ADCY2: variants seen among roughly 807,000 people sequenced by gnomAD.
The protein encoded by ADCY2 is adenylate cyclase type 2.
In ADCY2, 31 loss-of-function variants were observed where a neutral mutation model predicts 125.2. That is an observed-to-expected ratio of 0.25 (90% CI 0.19 to 0.33). The LOEUF (loss-of-function observed/expected upper bound fraction) is 0.33, where lower values mean the gene tolerates loss of function less well. Ranked by LOEUF, ADCY2 falls within the 10% of genes least tolerant of loss-of-function variation. ADCY2 has a pLI of 1.00. For synonymous variants in ADCY2, 512 were observed against 548.4 expected (o/e 0.93, Z 0.93); for missense variants, 904 against 1,418.2 (o/e 0.64, Z 5.82).
intron 2 of ADCY2, among the ~76,000 whole-genome samples, chr5:7,458,280 C>G (rs1462271722): frequency 1.3e-5 from 2 of 152,112 alleles, no homozygotes; most frequent in East Asian, 3.8e-4. Context: ...TTTACAAATA[C>G]AACAGTTTTG....
chr5:7,706,343 C>T (rs1741265211), intron 7 of ADCY2, among the ~76,000 whole-genome samples: 2 of 152,210 alleles, frequency 1.3e-5, no homozygotes, highest in African/African-American at 4.8e-5. Flanking sequence ...TGGAGAGGTA[C>T]ATTGTGCTAA....
At chr5:7,397,734 G>C (rs1278671256) in intron 1 of ADCY2, among the ~76,000 whole-genome samples, 1 of 152,074 alleles carries the variant, frequency 6.6e-6, no homozygotes, top group Non-Finnish European at 1.5e-5. Flanking sequence ...ACCACTCAAT[G>C]GTAGCTGTCT....
chr5:7,421,050 C>T (rs1740183841), intron 2 of ADCY2, among the ~76,000 whole-genome samples: 1 of 152,090 alleles, frequency 6.6e-6, no homozygotes, highest in South Asian at 2.1e-4. Context: ...CACAACACAG[C>T]AAGGATTTCT....
intron 4 of ADCY2, among the ~76,000 whole-genome samples, chr5:7,683,791 A>T (rs1447215881): frequency 6.6e-6 from 1 of 152,170 alleles, no homozygotes; most frequent in Non-Finnish European, 1.5e-5. Flanking sequence ...GTTGCATTTG[A>T]ACATAAAAAA....
intron 3 of ADCY2, among the ~76,000 whole-genome samples, chr5:7,617,875 T>C (rs1221088334): frequency 6.6e-6 from 1 of 152,214 alleles, no homozygotes; most frequent in Non-Finnish European, 1.5e-5. Context: ...TCCTAATGAA[T>C]ATGATTAATG....
chr5:7,740,658 C>G (rs1742381224), intron 14 of ADCY2, among the ~76,000 whole-genome samples: 1 of 151,912 alleles, frequency 6.6e-6, no homozygotes. Context: ...ATAACAAGAA[C>G]CAACCAAAAA....
chr5:7,564,295 A>G (rs1222146056), intron 3 of ADCY2, among the ~76,000 whole-genome samples: 2 of 152,164 alleles, frequency 1.3e-5, no homozygotes, highest in Non-Finnish European at 2.9e-5. Context: ...GAGATGGCAA[A>G]TTTAATATTC....
At chr5:7,590,871 A>G (rs1336217134) in intron 3 of ADCY2, among the ~76,000 whole-genome samples, 1 of 151,998 alleles carries the variant, frequency 6.6e-6, no homozygotes, top group Admixed American at 6.6e-5. Flanking sequence ...TATAGTCAAG[A>G]CTCTTATTAT....
At chr5:7,633,292 G>T (rs1215221378) in intron 4 of ADCY2, among the ~76,000 whole-genome samples, 2 of 151,854 alleles carry the variant, frequency 1.3e-5, no homozygotes, top group Non-Finnish European at 2.9e-5. Context: ...TTAGCTGGGT[G>T]TGGTGGTGGG....
At chr5:7,537,793 G>A (rs1030306769) in intron 3 of ADCY2, among the ~76,000 whole-genome samples, 1 of 152,214 alleles carries the variant, frequency 6.6e-6, no homozygotes, top group Non-Finnish European at 1.5e-5. Context: ...AGCCTCCACA[G>A]CCTGGCCCCT....
At chr5:7,444,215 G>A (rs998773083) in intron 2 of ADCY2, among the ~76,000 whole-genome samples, 2 of 147,924 alleles carry the variant, frequency 1.4e-5, no homozygotes, top group African/African-American at 2.5e-5. Context: ...CCGGGTTCAC[G>A]CCATTCTCCA....
intron 2 of ADCY2, among the ~76,000 whole-genome samples, chr5:7,492,066 C>T (rs1385650508): frequency 3.3e-5 from 5 of 152,190 alleles, no homozygotes; most frequent in African/African-American, 4.8e-5. Context: ...CTGTAGATGT[C>T]TGCTTCTCAG....
intron 2 of ADCY2, among the ~76,000 whole-genome samples, chr5:7,500,004 A>G (rs1743504484): frequency 6.6e-6 from 1 of 152,204 alleles, no homozygotes; most frequent in African/African-American, 2.4e-5. Context: ...CGGAAGGCTA[A>G]CAAAGAAGAA....
intron 4 of ADCY2, among the ~76,000 whole-genome samples, chr5:7,657,210 A>G (rs1184495736): frequency 6.6e-6 from 1 of 152,194 alleles, no homozygotes; most frequent in Non-Finnish European, 1.5e-5. Flanking sequence ...AGGATGCTCA[A>G]CCTGTAATAA....
chr5:7,603,345 A>C (rs957033685), intron 3 of ADCY2, among the ~76,000 whole-genome samples: 4 of 152,190 alleles, frequency 2.6e-5, no homozygotes, highest in Admixed American at 2.6e-4. Context: ...GAGCCCCTAC[A>C]GGGCTTCTGC....
rs534080830 is a variant in ADCY2, at chr5:7,397,816, G to A, written c.210+1310G>A. Among the ~76,000 whole-genome samples the A allele has an allele frequency of 7.9e-5, 12 of 152,222 alleles. No homozygotes were observed. The East Asian group carries it at 2.3e-3, about 29-fold the overall frequency. ...CCATGAAGTCACAGATCACACACTG[G>A]CTCTTGTACTATCAAACCTAGAGCA... On this transcript the variant is annotated intron_variant, in intron 1 of 24. Transcript: ENST00000338316.
chr5:7,782,788 A>G (rs1327296441), intron 18 of ADCY2, among the ~76,000 whole-genome samples: 3 of 152,268 alleles, frequency 2.0e-5, no homozygotes, highest in Non-Finnish European at 1.5e-5. Context: ...TTTAAAATTC[A>G]TGAAAGTCAG....
At chr5:7,598,813 G>T (rs1737100132) in intron 3 of ADCY2, among the ~76,000 whole-genome samples, 1 of 152,166 alleles carries the variant, frequency 6.6e-6, no homozygotes, top group African/African-American at 2.4e-5. Flanking sequence ...AGTGATTGTG[G>T]ACACCTGCAT....
At chr5:7,413,388 A>G (rs1011751255) in intron 1 of ADCY2, among the ~76,000 whole-genome samples, 6 of 151,494 alleles carry the variant, frequency 4.0e-5, no homozygotes, top group Non-Finnish European at 8.8e-5. Context: ...TCCGCCTCCC[A>G]GGTTCACGCC....
Sources: gnomAD v4.1 joint callset for allele counts (sites outside exome capture counted in the v4.1 genomes callset) on GRCh38, gnomAD v4.1.1 for gene constraint, MANE v1.5 for transcripts, NCBI Gene and HGNC (gene_info 2026-07-23, HGNC 2026-07-21) for gene names.